The following CEP112 variants were observed in gnomAD, a reference collection of about 807,000 sequenced individuals.
The protein encoded by CEP112 is centrosomal protein of 112 kDa.
In CEP112, 127 loss-of-function variants were observed where a neutral mutation model predicts 153.0. That is an observed-to-expected ratio of 0.83 (90% CI 0.72 to 0.96). The LOEUF (loss-of-function observed/expected upper bound fraction) is 0.96, where lower values mean the gene tolerates loss of function less well. Ranked by LOEUF, CEP112 falls within the 40% of genes least tolerant of loss-of-function variation. The pLI, the probability that CEP112 is intolerant of heterozygous loss-of-function variation, is 0.00. For synonymous variants in CEP112, 358 were observed against 374.4 expected, an observed-to-expected ratio of 0.96 and a Z score of 0.51; for missense variants, 1,089 against 1,101.2, an observed-to-expected ratio of 0.99 and a Z score of 0.16.
At chr17:65,792,764 A>T (rs1239885055) in intron 21 of CEP112, among the ~76,000 whole-genome samples, 1 of 152,204 alleles carries the variant, frequency 6.6e-6, no homozygotes, top group Non-Finnish European at 1.5e-5. Context: ...GAAAAAAGGA[A>T]TAGAAGCTAT....
chr17:65,909,259 T>G (rs1829366274), intron 19 of CEP112, among the ~76,000 whole-genome samples: 1 of 152,142 alleles, frequency 6.6e-6, no homozygotes, highest in African/African-American at 2.4e-5. Flanking sequence ...AATTACAAAC[T>G]TTATATTCTA....
chr17:65,960,228 A>T (rs1159919230), intron 18 of CEP112, among the ~76,000 whole-genome samples: 1 of 152,226 alleles, frequency 6.6e-6, no homozygotes, highest in East Asian at 1.9e-4. Context: ...ATATGATAAA[A>T]TAAATTTAGT....
intron 10 of CEP112, 82 bp downstream of exon 10, chr17:66,066,696 T>A: frequency 1.1e-6 from 1 of 936,574 alleles, no homozygotes; most frequent in South Asian, 2.1e-5. Context: ...CTATAAAAGG[T>A]CAGAAATCAA....
chr17:65,972,836 G>A (rs528637982), intron 17 of CEP112, among the ~76,000 whole-genome samples: 4 of 152,330 alleles, frequency 2.6e-5, no homozygotes, highest in Non-Finnish European at 5.9e-5. Flanking sequence ...TGTGATCTCA[G>A]CTCACTGCAA....
intron 19 of CEP112, 108 bp downstream of exon 19, chr17:65,927,472 GCT>G: frequency 1.5e-6 from 1 of 648,360 alleles, no homozygotes; most frequent in South Asian, 2.0e-5. Flanking sequence ...GGTAACAACA[GCT>G]CTTAGTAATA....
intron 23 of CEP112, among the ~76,000 whole-genome samples, chr17:65,710,991 T>C (rs977725984): frequency 6.6e-6 from 1 of 152,174 alleles, no homozygotes; most frequent in Non-Finnish European, 1.5e-5. Context: ...GTCAACTGCT[T>C]GTCATGGCAT....
intron 18 of CEP112, among the ~76,000 whole-genome samples, chr17:65,956,405 T>TACACACACACACACACACACACACACAC (rs535606142): frequency 1.4e-5 from 2 of 144,966 alleles, no homozygotes; most frequent in African/African-American, 5.2e-5. Flanking sequence ...TATACATACA[T>TACACACACACACACACACACACACACAC]ACATACACAC....
intron 21 of CEP112, among the ~76,000 whole-genome samples, chr17:65,802,691 T>A (rs1308943910): frequency 1.3e-5 from 2 of 152,224 alleles, no homozygotes; most frequent in African/African-American, 2.4e-5. Context: ...TGGATGTTCT[T>A]ACTAGACTAT....
At chr17:66,157,355 C>T (rs2071489155) in intron 4 of CEP112, among the ~76,000 whole-genome samples, 1 of 152,122 alleles carries the variant, frequency 6.6e-6, no homozygotes, top group Non-Finnish European at 1.5e-5. Flanking sequence ...ACCAGGCCTG[C>T]CTTACAAGAG....
At chr17:65,886,439 CAT>C (rs1267337272) in intron 20 of CEP112, among the ~76,000 whole-genome samples, 5 of 152,160 alleles carry the variant, frequency 3.3e-5, no homozygotes, top group Middle Eastern at 3.2e-3. Flanking sequence ...ATTAATGACA[CAT>C]GATTATAACG....
chr17:66,160,428 C>T (rs1472616870), intron 4 of CEP112, among the ~76,000 whole-genome samples: 1 of 152,186 alleles, frequency 6.6e-6, no homozygotes, highest in Non-Finnish European at 1.5e-5. Flanking sequence ...CATCATGCTA[C>T]CTGACTTCAG....
At chr17:65,780,557 C>A (rs972952479) in intron 21 of CEP112, among the ~76,000 whole-genome samples, 7 of 152,024 alleles carry the variant, frequency 4.6e-5, no homozygotes, top group African/African-American at 1.7e-4. Flanking sequence ...TCTCTACCTT[C>A]TGTAATATTT....
intron 8 of CEP112, among the ~76,000 whole-genome samples, chr17:66,082,148 C>G (rs1416335734): frequency 6.6e-6 from 1 of 152,114 alleles, no homozygotes; most frequent in East Asian, 1.9e-4. Flanking sequence ...TTGACCTCTT[C>G]TTGTTGTGTT....
At chr17:65,925,785 C>T (rs1293257158) in intron 19 of CEP112, among the ~76,000 whole-genome samples, 1 of 152,112 alleles carries the variant, frequency 6.6e-6, no homozygotes, top group African/African-American at 2.4e-5. Context: ...ACAGCAAATG[C>T]TCAAAATATT....
chr17:65,867,468 A>G (rs1350910278), intron 20 of CEP112, among the ~76,000 whole-genome samples: 2 of 152,226 alleles, frequency 1.3e-5, no homozygotes, highest in African/African-American at 4.8e-5. Flanking sequence ...TACTTTGAAG[A>G]TTTTGAAAAT....
chr17:65,969,029 C>A (rs1364623460), intron 17 of CEP112, among the ~76,000 whole-genome samples: 1 of 151,382 alleles, frequency 6.6e-6, no homozygotes, highest in Non-Finnish European at 1.5e-5. Flanking sequence ...AGTATTAGAA[C>A]TGCAAAAATG....
intron 17 of CEP112, among the ~76,000 whole-genome samples, chr17:65,965,684 G>C (rs1296379111): frequency 6.6e-6 from 1 of 151,792 alleles, no homozygotes; most frequent in Non-Finnish European, 1.5e-5. Context: ...ACCACCCCTG[G>C]CTAATTTTTT....
chr17:66,177,269 C>G (rs2072522530), intron 2 of CEP112, among the ~76,000 whole-genome samples: 1 of 152,166 alleles, frequency 6.6e-6, no homozygotes, highest in South Asian at 2.1e-4. Flanking sequence ...TCCAATAAAA[C>G]CTGGCAAAAA....
chr17:65,777,092 G>T (rs1395511115), intron 21 of CEP112, among the ~76,000 whole-genome samples: 23 of 152,094 alleles, frequency 1.5e-4, no homozygotes, highest in Admixed American at 1.2e-3. Context: ...TCATGTGACC[G>T]CATTTAGGTG....
Sources: allele counts gnomAD v4.1 joint callset (sites outside exome capture counted in the v4.1 genomes callset), GRCh38; gene constraint gnomAD v4.1.1; transcripts MANE v1.5; gene names NCBI Gene and HGNC (gene_info 2026-07-23, HGNC 2026-07-21).